Variants in PDE4D observed in about 807,000 individuals in gnomAD.
PDE4D encodes the protein 3',5'-cyclic-AMP phosphodiesterase 4D.
In PDE4D, 24 loss-of-function variants were observed where a neutral mutation model predicts 87.4. That is an observed-to-expected ratio of 0.27 (90% CI 0.20 to 0.39). The LOEUF (loss-of-function observed/expected upper bound fraction) is 0.39, where lower values mean the gene tolerates loss of function less well. PDE4D is among the 10% of genes least tolerant of loss of function. PDE4D has a pLI of 1.00. For missense variants in PDE4D, 714 were observed against 1,041.0 expected, an observed-to-expected ratio of 0.69 and a Z score of 4.32; for synonymous variants, 384 against 383.2, an observed-to-expected ratio of 1.00 and a Z score of -0.02.
intron 2 of PDE4D, among the ~76,000 whole-genome samples, chr5:60,092,411 A>G (rs1351409171): frequency 1.3e-5 from 2 of 152,194 alleles, no homozygotes; most frequent in African/African-American, 2.4e-5. Flanking sequence ...TTTATTTTAT[A>G]TTGCAAAATA....
At chr5:60,028,597 T>A (rs942156986) in intron 2 of PDE4D, among the ~76,000 whole-genome samples, 2 of 152,192 alleles carry the variant, frequency 1.3e-5, no homozygotes, top group African/African-American at 4.8e-5. Flanking sequence ...AGTATCCCAA[T>A]TACTTGTATA....
At chr5:59,248,041 G>GA (rs1561805685) in intron 1 of PDE4D, among the ~76,000 whole-genome samples, 1 of 47,834 alleles carries the variant, frequency 2.1e-5, no homozygotes, top group African/African-American at 7.2e-5. Flanking sequence ...GTATCTATTA[G>GA]TAAAAAAAAA....
chr5:60,303,968 A>C (rs901777675), intron 1 of PDE4D: 1 of 152,134 alleles, frequency 6.6e-6, no homozygotes, highest in African/African-American at 2.4e-5. Context: ...TATGAATCTG[A>C]GTGCTCCCGT....
intron 1 of PDE4D, among the ~76,000 whole-genome samples, chr5:60,393,925 G>T (rs1027262397): frequency 2.4e-4 from 36 of 152,108 alleles, no homozygotes; most frequent in African/African-American, 8.7e-4. Flanking sequence ...AGGTTTCATT[G>T]AATGTTTTCC....
chr5:60,050,365 C>T (rs1582388206), intron 2 of PDE4D, among the ~76,000 whole-genome samples: 1 of 152,020 alleles, frequency 6.6e-6, no homozygotes, highest in East Asian at 2.0e-4. Context: ...AGAGCTGTTC[C>T]TATTCGGCCA....
At chr5:59,294,239 C>T (rs957578316) in intron 1 of PDE4D, among the ~76,000 whole-genome samples, 1 of 152,058 alleles carries the variant, frequency 6.6e-6, no homozygotes, top group Admixed American at 6.6e-5. Flanking sequence ...AAGAGTAAAA[C>T]TCTTTTATGT....
At chr5:58,991,395 T>C (rs1229801653) in intron 8 of PDE4D, among the ~76,000 whole-genome samples, 1 of 152,238 alleles carries the variant, frequency 6.6e-6, no homozygotes, top group Non-Finnish European at 1.5e-5. Context: ...CATGTAAGCA[T>C]AGGCAAACTT....
chr5:59,222,634 CT>C (rs1752801414), intron 1 of PDE4D, among the ~76,000 whole-genome samples: 2 of 152,158 alleles, frequency 1.3e-5, no homozygotes, highest in South Asian at 4.1e-4. Flanking sequence ...TGAAAGCTGC[CT>C]TTTTCACTAC....
At chr5:59,381,488 CT>C (rs926777683) in intron 1 of PDE4D, among the ~76,000 whole-genome samples, 1 of 130,968 alleles carries the variant, frequency 7.6e-6, no homozygotes, top group Non-Finnish European at 1.7e-5. Flanking sequence ...AAACATATAT[CT>C]TTTTTTGAAT....
chr5:60,063,106 GA>G (rs1288916321), intron 2 of PDE4D, among the ~76,000 whole-genome samples: 3 of 77,318 alleles, frequency 3.9e-5, no homozygotes, highest in Non-Finnish European at 5.5e-5. Context: ...AAGAAAGAAA[GA>G]AAGAAAGAAA....
rs1781571764 is a variant in PDE4D, at chr5:60,152,276, T to C, written c.42+33281A>G. On this transcript the variant is annotated intron_variant, in intron 2 of 16. Transcript: ENST00000502484. ...AGGTAACATTGGCCTTAAAATGAATTTGGAAGTGTTCCCTCTTCTTCATTT... is the reference window on the plus strand; with the variant it reads ...AGGTAACATTGGCCTTAAAATGAATCTGGAAGTGTTCCCTCTTCTTCATTT... Among the ~76,000 whole-genome samples the C allele has an allele frequency of 2.0e-5, 3 of 152,160 alleles. No individual in the cohort carries two copies. The South Asian group carries it at 6.2e-4, about 32-fold the overall frequency.
rs1471259324 is a variant in PDE4D, at chr5:59,716,015, G to A, written c.455+177153C>T. ...CAGGGCCTTTGTCCCCAGAGTGTAC[G>A]TATAAGGCCTGTGTCTTAGACCTGT... On this transcript the variant is annotated intron_variant, in intron 1 of 14. Coordinates refer to ENST00000340635, the MANE Select transcript of PDE4D (RefSeq NM_001104631.2). Among the ~76,000 whole-genome samples, 15 of 152,260 alleles carry A rather than the reference G, an allele frequency of 9.9e-5. No individual in the cohort carries two copies. The East Asian group carries it at 1.2e-3, about 12-fold the overall frequency.
At chr5:60,116,083 G>A (rs545380319) in intron 2 of PDE4D, among the ~76,000 whole-genome samples, 5 of 152,134 alleles carry the variant, frequency 3.3e-5, no homozygotes, top group African/African-American at 9.6e-5. Flanking sequence ...CTTGGACTAC[G>A]TATCTTTAAC....
chr5:59,468,878 T>C (rs889990657), intron 1 of PDE4D, among the ~76,000 whole-genome samples: 2 of 152,032 alleles, frequency 1.3e-5, no homozygotes, highest in Non-Finnish European at 2.9e-5. Context: ...GAAGAGTGCA[T>C]TGAGATATGC....
At position 59,252,286 on chromosome 5, in the gene PDE4D, G is replaced by A. The variant is rs907244601; in HGVS notation, c.456-36318C>T. 3.3e-5 allele frequency among the ~76,000 whole-genome samples: 5 copies of A among 152,122 alleles called. No individual in the cohort carries two copies. The South Asian group carries it at 6.2e-4, about 19-fold the overall frequency. On this transcript the variant is annotated intron_variant, in intron 1 of 14. Coordinates refer to ENST00000340635, the MANE Select transcript of PDE4D (RefSeq NM_001104631.2). ...AAGTTGTATTGTAAAGTTGTACTACGTTCCCCATAAAGCAAACTATCCAAG... is the reference window on the plus strand; with the variant it reads ...AAGTTGTATTGTAAAGTTGTACTACATTCCCCATAAAGCAAACTATCCAAG...
chr5:59,152,755 C>T (rs1408241529), intron 5 of PDE4D, among the ~76,000 whole-genome samples: 1 of 152,056 alleles, frequency 6.6e-6, no homozygotes, highest in Admixed American at 6.6e-5. Flanking sequence ...GTGTTTCTTT[C>T]CAAGTTTCTC....
chr5:59,340,824 C>T (rs1778603664), intron 1 of PDE4D, among the ~76,000 whole-genome samples: 1 of 152,060 alleles, frequency 6.6e-6, no homozygotes, highest in Admixed American at 6.6e-5. Context: ...ATATAATGAC[C>T]TCCAGTTCCA....
chr5:59,848,812 G>A (rs531241582), intron 1 of PDE4D, among the ~76,000 whole-genome samples: 25 of 152,102 alleles, frequency 1.6e-4, no homozygotes, highest in African/African-American at 5.1e-4. Flanking sequence ...ATCCGTAACC[G>A]GGGTAAGGGC....
At chr5:59,401,478 A>ATCTATCTATCTATCTG (rs1554161243) in intron 1 of PDE4D, among the ~76,000 whole-genome samples, 1 of 150,868 alleles carries the variant, frequency 6.6e-6, no homozygotes, top group African/African-American at 2.4e-5. Flanking sequence ...CTATCTATCT[A>ATCTATCTATCTATCTG]TCTATCTATT....
Sources: gnomAD v4.1 joint callset for allele counts (sites outside exome capture counted in the v4.1 genomes callset) on GRCh38, gnomAD v4.1.1 for gene constraint, MANE v1.5 for transcripts, NCBI Gene and HGNC (gene_info 2026-07-23, HGNC 2026-07-21) for gene names.